SLC8A1: variants seen among roughly 807,000 people sequenced by gnomAD.
SLC8A1 encodes the protein solute carrier family 8 member A1.
Under a neutral mutation model 68.3 loss-of-function variants are expected in SLC8A1, and 18 were observed. The observed-to-expected ratio is 0.26, with a 90% CI of 0.18 to 0.39. The LOEUF is 0.39. Ranked by LOEUF, SLC8A1 falls within the 10% of genes least tolerant of loss-of-function variation. The probability of loss-of-function intolerance (pLI) is 1.00; values close to 1 mark genes in which losing one functional copy is unlikely to be tolerated. For missense variants in SLC8A1, 985 were observed against 1,156.7 expected (o/e 0.85, Z 2.15); for synonymous variants, 475 against 415.5 (o/e 1.14, Z -1.74).
At chr2:40,365,288 C>G (rs1487287259) in intron 2 of SLC8A1, among the ~76,000 whole-genome samples, 1 of 151,928 alleles carries the variant, frequency 6.6e-6, no homozygotes, top group Admixed American at 6.6e-5. Flanking sequence ...CTTCTATCAG[C>G]TATACATTGA....
chr2:40,184,898 C>CAAAAAAAAAAAAAAAAAAAAAAAAAAAAA, intron 2 of SLC8A1, among the ~76,000 whole-genome samples: 1 of 106,528 alleles, frequency 9.4e-6, no homozygotes, highest in Non-Finnish European at 1.9e-5. Context: ...TAACCAAAAA[C>CAAAAAAAAAAAAAAAAAAAAAAAAAAAAA]AAAAAAAAAA....
intron 1 of SLC8A1, among the ~76,000 whole-genome samples, chr2:40,448,374 G>A (rs1345111994): frequency 1.3e-5 from 2 of 152,134 alleles, no homozygotes; most frequent in Non-Finnish European, 2.9e-5. Context: ...GACTAGTCCT[G>A]AATCCAAATC....
chr2:40,456,486 C>A (rs1459608046), upstream of SLC8A1, among the ~76,000 whole-genome samples: 3 of 152,122 alleles, frequency 2.0e-5, no homozygotes, highest in Non-Finnish European at 2.9e-5. Flanking sequence ...ATTTAGAGGT[C>A]AGAAAATAAT....
intron 2 of SLC8A1, among the ~76,000 whole-genome samples, chr2:40,371,729 A>T (rs185155692): frequency 3.4e-4 from 51 of 152,226 alleles, no homozygotes; most frequent in African/African-American, 1.2e-3. Context: ...TGTCTTTGAG[A>T]TGGGATGTGC....
intron 2 of SLC8A1, among the ~76,000 whole-genome samples, chr2:40,236,666 T>A (rs1258668935): frequency 6.6e-6 from 1 of 152,090 alleles, no homozygotes; most frequent in Non-Finnish European, 1.5e-5. Context: ...GTTATTTTGC[T>A]CGTTAGTTGA....
chr2:40,402,454 A>C (rs1411066239), intron 2 of SLC8A1, among the ~76,000 whole-genome samples: 1 of 152,166 alleles, frequency 6.6e-6, no homozygotes, highest in East Asian at 1.9e-4. Context: ...CCATTCTTTT[A>C]TTCCTTTACT....
intron 2 of SLC8A1, among the ~76,000 whole-genome samples, chr2:40,194,843 G>C (rs1216579848): frequency 6.6e-6 from 1 of 152,016 alleles, no homozygotes; most frequent in African/African-American, 2.4e-5. Flanking sequence ...CACTGGAGTA[G>C]TGCAGGTAGT....
At chr2:40,351,200 C>T (rs369362963) in intron 2 of SLC8A1, among the ~76,000 whole-genome samples, 5 of 152,054 alleles carry the variant, frequency 3.3e-5, no homozygotes, top group African/African-American at 1.2e-4. Context: ...CCTAAGGCAG[C>T]GACTGAGTGT....
At chr2:40,304,869 C>T (rs1039646493) in intron 2 of SLC8A1, among the ~76,000 whole-genome samples, 3 of 152,146 alleles carry the variant, frequency 2.0e-5, no homozygotes, top group Non-Finnish European at 1.5e-5. Context: ...ATCCCTTTGC[C>T]TATTTTTGTC....
intron 1 of SLC8A1, among the ~76,000 whole-genome samples, chr2:40,432,309 G>A (rs977917429): frequency 6.6e-6 from 1 of 151,052 alleles, no homozygotes; most frequent in Admixed American, 6.6e-5. Context: ...TAATGGTGGA[G>A]GAAACAAACA....
intron 1 of SLC8A1, among the ~76,000 whole-genome samples, chr2:40,436,822 A>T (rs537821675): frequency 6.6e-6 from 1 of 152,272 alleles, no homozygotes; most frequent in South Asian, 2.1e-4. Context: ...GAAAATAAAT[A>T]AAAAAGAATG....
intron 6 of SLC8A1, among the ~76,000 whole-genome samples, chr2:40,153,779 A>T (rs1445036275): frequency 2.6e-5 from 4 of 152,218 alleles, no homozygotes; most frequent in Non-Finnish European, 4.4e-5. Context: ...AACATTCCTT[A>T]TGATGGGATT....
In SLC8A1 at chr2:40,493,457, T is replaced by C. The variant is rs1354976429; in HGVS notation, c.-25+18892A>G. Among the ~76,000 whole-genome samples the C allele has an allele frequency of 2.0e-5, 3 of 151,492 alleles. No homozygotes were observed. In the East Asian group the frequency reaches 5.8e-4, roughly 29 times the overall value. The stretch of plus-strand genomic sequence containing the variant: ...CACACTTATACATATGTAACTAACC[T>C]GCACATTGTGCACATGTACCCTAAA... On this transcript the variant is annotated intron_variant, in intron 1 of 7. Transcript: ENST00000402441.
intron 2 of SLC8A1, among the ~76,000 whole-genome samples, chr2:40,364,810 A>G (rs894883655): frequency 6.6e-6 from 1 of 152,124 alleles, no homozygotes; most frequent in African/African-American, 2.4e-5. Context: ...GAAAGTTAGG[A>G]GAAAATAATA....
intron 4 of SLC8A1, among the ~76,000 whole-genome samples, chr2:40,172,820 T>C (rs2047748422): frequency 6.6e-6 from 1 of 152,056 alleles, no homozygotes; most frequent in African/African-American, 2.4e-5. Context: ...CACGTGCCTG[T>C]AGTCCCAGAC....
chr2:40,300,495 C>CA (rs778136748), intron 2 of SLC8A1, among the ~76,000 whole-genome samples: 1 of 152,110 alleles, frequency 6.6e-6, no homozygotes, highest in Non-Finnish European at 1.5e-5. Flanking sequence ...GGCTGGCCCA[C>CA]AAAAACAAAG....
intron 2 of SLC8A1, among the ~76,000 whole-genome samples, chr2:40,328,174 AAAAAG>A (rs1313586521): frequency 6.6e-6 from 1 of 152,140 alleles, no homozygotes; most frequent in Non-Finnish European, 1.5e-5. Flanking sequence ...TAAATAGAGT[AAAAAG>A]AAAAGAAATT....
At chr2:40,225,277 A>T (rs1348863391) in intron 2 of SLC8A1, among the ~76,000 whole-genome samples, 1 of 152,102 alleles carries the variant, frequency 6.6e-6, no homozygotes, top group African/African-American at 2.4e-5. Context: ...TCATTTCCCT[A>T]TTTGTATAGT....
Position 40,425,805 on chromosome 2 carries a change from A to T in SLC8A1, c.1808+2668T>A, listed in dbSNP as rs370675856. On this transcript the variant is annotated intron_variant, in intron 2 of 7. Coordinates refer to ENST00000406785, the Ensembl canonical transcript of SLC8A1. Reference sequence around the variant, plus strand: ...AACTGCCAAAGGAAAAATAATCCATAAAAAAATAATGTTTTCTAAGCTGCT... The same window carrying T: ...AACTGCCAAAGGAAAAATAATCCATTAAAAAATAATGTTTTCTAAGCTGCT... 1.1e-4 allele frequency among the ~76,000 whole-genome samples: 17 copies of T among 152,008 alleles called. No homozygotes were observed. The East Asian group carries it at 1.4e-3, about 12-fold the overall frequency.
Sources: allele counts gnomAD v4.1 joint callset (sites outside exome capture counted in the v4.1 genomes callset), GRCh38; gene constraint gnomAD v4.1.1; transcripts MANE v1.5; gene names NCBI Gene and HGNC (gene_info 2026-07-23, HGNC 2026-07-21).